HAPLN3: variants seen among roughly 807,000 people sequenced by gnomAD.
HAPLN3 encodes the protein hyaluronan and proteoglycan link protein 3.
Under a neutral mutation model 28.1 loss-of-function variants are expected in HAPLN3, and 28 were observed. That is an observed-to-expected ratio of 1.00 (90% CI 0.74 to 1.37). The LOEUF is 1.37. Ranked by LOEUF, HAPLN3 falls within the 40% of genes most tolerant of loss-of-function variation. The pLI, the probability that HAPLN3 is intolerant of heterozygous loss-of-function variation, is 0.00. For missense variants in HAPLN3, 513 were observed against 504.6 expected, an observed-to-expected ratio of 1.02 and a Z score of -0.16; for synonymous variants, 211 against 213.1, an observed-to-expected ratio of 0.99 and a Z score of 0.09.
chr15:88,877,804 G>T lies in HAPLN3; in HGVS notation c.*166C>A. 1.5e-6 allele frequency: 1 copy of T among 668,680 alleles called. No individual in the cohort carries two copies. Among genetic ancestry groups the T allele is most frequent in the Non-Finnish European group, 2.5e-6 (1 of 407,254 alleles). 41.4% of individuals were successfully genotyped at this position (668,680 alleles called of 1,614,324 possible). ...GTGGGGCATCCAGGAGCAAAGGGAGGCATTGGGTTCTGTTTGCTTTACAAA... is the reference window on the plus strand; with the variant it reads ...GTGGGGCATCCAGGAGCAAAGGGAGTCATTGGGTTCTGTTTGCTTTACAAA... On this transcript the variant is annotated 3_prime_UTR_variant, in exon 5 of 5. Transcript: ENST00000359595. This position sits in a 1 kb window ranked among gnomAD's most constrained non-coding sequence, Gnocchi z 5.1.
In HAPLN3 at chr15:88,879,023, G is replaced by A. The variant is rs757928476; in HGVS notation, c.740C>T (p.Pro247Leu). Residue 247 changes from proline to leucine, a missense_variant, in exon 4 of 5, where the codon CCC becomes CTC. Pro to Leu is a moderately conservative substitution (Grantham distance 98). Transcript: ENST00000359595. The surrounding 1 kb of genome is among the most constrained non-coding windows in gnomAD (Gnocchi z 5.0). ...ATAGCGGTGCAGGCGGCGGTGGCGG[G>A]GGCCGTAGCTTCGCACGCCAGGTGC... ...GLAPGVRSYGPRHRRLHRYDV... is the reference protein window; with the variant it reads ...GLAPGVRSYGLRHRRLHRYDV... 5.7e-5 allele frequency: 91 copies of A among 1,609,046 alleles called. No individual in the cohort carries two copies. Among genetic ancestry groups the A allele is most frequent in the Non-Finnish European group, 7.1e-5 (84 of 1,178,360 alleles).
At position 88,879,090 on chromosome 15, in the gene HAPLN3, G is replaced by A. The variant is rs1474287265; in HGVS notation, c.673C>T (p.Pro225Ser). ...GWLQDATVQY[P>S]IMLPRQPCGG... ...CAGGGCTGCCGGGGCAACATGATGGGGTACTGCACCGTGGCATCCTGCAGC... is the reference window on the plus strand; with the variant it reads ...CAGGGCTGCCGGGGCAACATGATGGAGTACTGCACCGTGGCATCCTGCAGC... Residue 225 changes from proline to serine, a missense_variant, in exon 4 of 5, where the codon CCC becomes TCC. Coordinates refer to ENST00000359595, the MANE Select transcript of HAPLN3 (RefSeq NM_178232.4). The surrounding 1 kb of genome is among the most constrained non-coding windows in gnomAD (Gnocchi z 5.0). 6.2e-7 allele frequency: 1 copy of A among 1,610,854 alleles called. No homozygotes were observed. Among genetic ancestry groups the A allele is most frequent in the South Asian group, 1.1e-5 (1 of 90,748 alleles).
chr15:88,879,971 T>C lies in HAPLN3; in HGVS notation c.494-702A>G. On this transcript the variant is annotated intron_variant, in intron 3 of 4. Transcript: ENST00000359595. The surrounding 1 kb of genome is among the most constrained non-coding windows in gnomAD (Gnocchi z 5.0). Reference sequence around the variant, plus strand: ...TCAATGAAACCTTAGGGAGTGGAGGTGACCCTAGGGGTCTGGGAAGGACAC... The same window carrying C: ...TCAATGAAACCTTAGGGAGTGGAGGCGACCCTAGGGGTCTGGGAAGGACAC... 1.0e-6 allele frequency: 1 copy of C among 1,002,012 alleles called. No homozygotes were observed. The highest frequency in any genetic ancestry group is 5.3e-5 in the Admixed American group (1 of 18,870). 62.1% of individuals were successfully genotyped at this position (1,002,012 alleles called of 1,614,324 possible). A position where few individuals can be genotyped will look rare whatever the true frequency, so the allele number is the denominator to read the frequency against.
chr15:88,887,580 T>C (rs56696048), intron 1 of HAPLN3, among the ~76,000 whole-genome samples: 13,949 of 152,072 alleles, frequency 0.092, 2,125 homozygotes, highest in African/African-American at 0.31. Context: ...AAGAGACAAA[T>C]CATAAGAAGG....
At chr15:88,892,964 G>A (rs1417475483) in intron 1 of HAPLN3, 9 of 1,535,770 alleles carry the variant, frequency 5.9e-6, no homozygotes. Context: ...ACCAAGTCCA[G>A]CCCAGTCACC....
intron 1 of HAPLN3, among the ~76,000 whole-genome samples, chr15:88,891,211 C>T (rs926852008): frequency 6.6e-6 from 1 of 152,028 alleles, no homozygotes; most frequent in African/African-American, 2.4e-5. Context: ...CTTAGCCTCA[C>T]TTGTCCTAAC....
At chr15:88,887,125 G>C (rs1567204565) in intron 2 of HAPLN3, 50 bp downstream of exon 2, 4 of 1,600,086 alleles carry the variant, frequency 2.5e-6, no homozygotes, top group Non-Finnish European at 2.6e-6. Context: ...GAGCCAAGGA[G>C]GTCTAGGTCA....
Position 88,878,011 on chromosome 15 carries a change from G to A in HAPLN3, c.1042C>T (p.Gln348Ter), listed in dbSNP as rs1160009356. ...GVRSFGFPDP[Q>*]SRLYGVYCYR... ...CAGTAAACACCGTACAAGCGGCTCT[G>A]CGGGTCGGGGAAGCCAAAGCTTCGG... Residue 348 changes from glutamine (Q) to a stop codon, truncating the protein, a stop_gained, in exon 5 of 5, where the codon CAG becomes TAG. Coordinates refer to ENST00000359595, the MANE Select transcript of HAPLN3 (RefSeq NM_178232.4). LOFTEE classifies it high-confidence loss of function. 1.1e-5 allele frequency: 18 copies of A among 1,613,618 alleles called. No individual in the cohort carries two copies. Among genetic ancestry groups the A allele is most frequent in the East Asian group, 2.2e-5 (1 of 44,884 alleles).
At position 88,879,300 on chromosome 15, in the gene HAPLN3, G is replaced by C; in HGVS notation, c.494-31C>G. 3.1e-6 allele frequency: 5 copies of C among 1,603,592 alleles called. No individual in the cohort carries two copies. The highest frequency in any genetic ancestry group is 4.2e-6 in the Non-Finnish European group (5 of 1,177,628). ...GGGGAAGGAAAGAGGAGCTTAGGGGGTGGCCAGGGGCCCAGCTGGCTGGAC... is the reference window on the plus strand; with the variant it reads ...GGGGAAGGAAAGAGGAGCTTAGGGGCTGGCCAGGGGCCCAGCTGGCTGGAC... On this transcript the variant is annotated intron_variant, in intron 3 of 4. Transcript: ENST00000359595. This position sits in a 1 kb window ranked among gnomAD's most constrained non-coding sequence, Gnocchi z 5.0.
At chr15:88,892,147 G>C (rs1313387383) in intron 1 of HAPLN3, among the ~76,000 whole-genome samples, 1 of 152,098 alleles carries the variant, frequency 6.6e-6, no homozygotes, top group East Asian at 1.9e-4. Context: ...CTCACATTGA[G>C]GGGGATGCCA....
intron 1 of HAPLN3, among the ~76,000 whole-genome samples, chr15:88,894,154 C>A (rs556544378): frequency 8.9e-4 from 136 of 152,254 alleles, no homozygotes; most frequent in African/African-American, 3.1e-3. Context: ...CTCTCACTGC[C>A]TACGAGACAA....
chr15:88,889,150 C>T (rs1897943264), intron 1 of HAPLN3, among the ~76,000 whole-genome samples: 1 of 152,200 alleles, frequency 6.6e-6, no homozygotes, highest in Non-Finnish European at 1.5e-5. Flanking sequence ...CTGCGTCCCC[C>T]ACTTCCTTGT....
chr15:88,884,912 G>A (rs976867988), intron 2 of HAPLN3, among the ~76,000 whole-genome samples: 5 of 152,196 alleles, frequency 3.3e-5, no homozygotes, highest in Non-Finnish European at 7.3e-5. Context: ...GGCAAGGCAA[G>A]AACAGATTCT....
intron 1 of HAPLN3, chr15:88,893,069 G>T (rs1898055163): frequency 9.0e-7 from 1 of 1,112,960 alleles, no homozygotes; most frequent in Non-Finnish European, 1.3e-6. Context: ...ATCCTGCTGA[G>T]TGACTTCGGG....
At chr15:88,878,863 C>A in intron 4 of HAPLN3, 104 bp downstream of exon 4, 1 of 1,261,416 alleles carries the variant, frequency 7.9e-7, no homozygotes, top group East Asian at 2.6e-5. Context: ...GGTGGCAGTA[C>A]CAGCAGAGCC....
Position 88,879,835 on chromosome 15 carries a change from C to G in HAPLN3, c.494-566G>C. ...GAGGTCTGGGGCAGGCGGTTTCTCT[C>G]CTTGTGGTCAGGGTCTGATAGAGGC... On this transcript the variant is annotated intron_variant, in intron 3 of 4. Transcript: ENST00000359595. This position sits in a 1 kb window ranked among gnomAD's most constrained non-coding sequence, Gnocchi z 5.0. 9.3e-7 allele frequency: 1 copy of G among 1,074,124 alleles called. No homozygotes were observed. Among genetic ancestry groups the G allele is most frequent in the Non-Finnish European group, 1.1e-6 (1 of 882,922 alleles). The allele number at this position is 1,074,124 out of a possible 1,614,324, so 66.5% of individuals were successfully genotyped here. A position where few individuals can be genotyped will look rare whatever the true frequency, so the allele number is the denominator to read the frequency against.
chr15:88,884,302 C>T (rs7170845), intron 2 of HAPLN3, among the ~76,000 whole-genome samples: 34,616 of 152,072 alleles, frequency 0.23, 4,076 homozygotes, highest in Non-Finnish European at 0.25. Context: ...CGGTGGCTCA[C>T]GCCTGTAATC....
rs1400159138 is a variant in HAPLN3 at position 88,879,554 on chromosome 15, C to G, written c.494-285G>C. The stretch of plus-strand genomic sequence containing the variant: ...CCCAACCTAATCCGCAAGGCTGTCG[C>G]CAGACCCCCAGTGAGGCTGTGCCAT... On this transcript the variant is annotated intron_variant, in intron 3 of 4. Coordinates refer to ENST00000359595, the MANE Select transcript of HAPLN3 (RefSeq NM_178232.4). This position sits in a 1 kb window ranked among gnomAD's most constrained non-coding sequence, Gnocchi z 5.0. 2 of 1,406,846 alleles carry G rather than the reference C, an allele frequency of 1.4e-6. No homozygotes were observed. Among genetic ancestry groups the G allele is most frequent in the Non-Finnish European group, 1.9e-6 (2 of 1,063,946 alleles). 87.1% of individuals were successfully genotyped at this position (1,406,846 alleles called of 1,614,324 possible).
chr15:88,892,902 C>A, intron 1 of HAPLN3: 1 of 1,493,936 alleles, frequency 6.7e-7, no homozygotes. Flanking sequence ...GGCTATCCAG[C>A]CACCAACTCC....
Sources: gnomAD v4.1 joint callset for allele counts (sites outside exome capture counted in the v4.1 genomes callset) on GRCh38, gnomAD v4.1.1 for gene constraint, Gnocchi (gnomAD v3.1) non-coding constraint, MANE v1.5 for transcripts, NCBI Gene and HGNC (gene_info 2026-07-23, HGNC 2026-07-21) for gene names.